SREK1: variants seen among roughly 807,000 people sequenced by gnomAD.
The protein encoded by SREK1 is splicing regulatory glutamic acid and lysine rich protein 1, also known as splicing regulatory glutamine/lysine-rich protein 1.
A neutral mutation model predicts 66.5 loss-of-function variants in SREK1; 13 were observed. The observed-to-expected ratio is 0.20, with a 90% CI of 0.13 to 0.31. The LOEUF is 0.31. Among genes scored for constraint, SREK1 ranks in the 10% least tolerant of loss-of-function variants. SREK1 has a pLI of 1.00. For synonymous variants in SREK1, 265 were observed against 263.5 expected (o/e 1.01, Z -0.05); for missense variants, 607 against 769.6 (o/e 0.79, Z 2.50).
At position 66,144,349 on chromosome 5, in the gene SREK1, G is replaced by C; in HGVS notation, c.-28G>C. On this transcript the variant is annotated 5_prime_UTR_variant, in exon 1 of 12. Transcript: ENST00000334121. ...GCTGACGCGTCGTAGACGTTGGGGA[G>C]CGGGAAGGCAACGGCAGCGGGATCG... The C allele has an allele frequency of 6.6e-7, 1 of 1,508,734 alleles. No individual in the cohort carries two copies. The highest frequency in any genetic ancestry group is 1.2e-5 in the South Asian group (1 of 82,548). The allele number at this position is 1,508,734 out of a possible 1,614,324, so 93.5% of individuals were successfully genotyped here. A position where few individuals can be genotyped will look rare whatever the true frequency, so the allele number is the denominator to read the frequency against.
At position 66,181,972 on chromosome 5, in the gene SREK1, CTA is replaced by C. The variant is rs969796314; in HGVS notation, c.*3106_*3107del. The C allele has an allele frequency of 6.8e-6, 1 of 147,150 alleles. No homozygotes were observed. Among genetic ancestry groups the C allele is most frequent in the African/African-American group, 2.5e-5 (1 of 40,174 alleles). 9.1% of individuals were successfully genotyped at this position (147,150 alleles called of 1,614,324 possible). ...TCAAGACCTTCAGTCATTCCTATGT[CTA>C]TGTTGCTATCTTTATTTTAAAACTT... On this transcript the variant is annotated 3_prime_UTR_variant, in exon 12 of 12. Coordinates refer to ENST00000334121, the MANE Select transcript of SREK1 (RefSeq NM_001077199.3).
intron 1 of SREK1, among the ~76,000 whole-genome samples, chr5:66,147,911 CTT>C (rs955365345): frequency 3.3e-5 from 5 of 151,722 alleles, no homozygotes; most frequent in African/African-American, 9.7e-5. Flanking sequence ...ACTTTTTTCA[CTT>C]TGTCATAAGC....
At chr5:66,177,451 G>T (rs1342764618) in intron 10 of SREK1, 63 bp from the exon 11 acceptor site, 1 of 1,281,746 alleles carries the variant, frequency 7.8e-7, no homozygotes, top group East Asian at 2.7e-5. Flanking sequence ...AGGATATTTT[G>T]TCAAGAATAT....
At chr5:66,145,188 G>A in intron 1 of SREK1, 5 of 984,408 alleles carry the variant, frequency 5.1e-6, no homozygotes, top group Non-Finnish European at 6.0e-6. Flanking sequence ...AAAAGTGTAA[G>A]TCGGTGCAGG....
At chr5:66,174,303 T>A (rs764306123) in intron 9 of SREK1, among the ~76,000 whole-genome samples, 1 of 152,192 alleles carries the variant, frequency 6.6e-6, no homozygotes, top group Non-Finnish European at 1.5e-5. Context: ...ATATTTACTT[T>A]TCAGATTGTA....
intron 2 of SREK1, chr5:66,157,565 A>G (rs1487649695): frequency 4.1e-6 from 4 of 970,916 alleles, no homozygotes; most frequent in Non-Finnish European, 4.9e-6. Flanking sequence ...AGTATAGTGT[A>G]TATGTGGGTA....
chr5:66,149,366 G>A (rs113034885), intron 1 of SREK1, among the ~76,000 whole-genome samples: 1,659 of 151,636 alleles, frequency 0.011, 33 homozygotes, highest in African/African-American at 0.038. Context: ...AAAAGGAAAA[G>A]AAAAGAAAAG....
rs1198961616 is a variant in SREK1 at position 66,179,971 on chromosome 5, T to TA, written c.*1103_*1104insA. On this transcript the variant is annotated 3_prime_UTR_variant, in exon 12 of 12. Coordinates refer to ENST00000334121, the MANE Select transcript of SREK1 (RefSeq NM_001077199.3). Reference sequence around the variant, plus strand: ...AGTCATGCAGCTTTGGGACCATCAGTTTTATACTGTGATAATTGAAAATGA... The same window carrying TA: ...AGTCATGCAGCTTTGGGACCATCAGTATTTATACTGTGATAATTGAAAATGA... The TA allele has an allele frequency of 6.6e-6, 1 of 152,566 alleles. No individual in the cohort carries two copies. Among genetic ancestry groups the TA allele is most frequent in the African/African-American group, 2.4e-5 (1 of 41,450 alleles). 9.5% of individuals were successfully genotyped at this position (152,566 alleles called of 1,614,324 possible).
intron 1 of SREK1, among the ~76,000 whole-genome samples, chr5:66,150,681 T>A (rs1423040152): frequency 6.6e-6 from 1 of 152,134 alleles, no homozygotes; most frequent in East Asian, 1.9e-4. Context: ...ATTAAGGCAT[T>A]GGTAATGAGA....
chr5:66,158,495 C>G (rs1028242758), intron 2 of SREK1: 1 of 155,118 alleles, frequency 6.4e-6, no homozygotes, highest in African/African-American at 2.4e-5. Flanking sequence ...TTTTAGGCAT[C>G]TCTGATGTTG....
At chr5:66,148,346 A>G (rs1008438646) in intron 1 of SREK1, among the ~76,000 whole-genome samples, 1 of 152,124 alleles carries the variant, frequency 6.6e-6, no homozygotes, top group African/African-American at 2.4e-5. Flanking sequence ...TGGACATATT[A>G]TTACCTCATT....
At chr5:66,175,161 A>G (rs976477975) in intron 10 of SREK1, 120 bp downstream of exon 10, 31 of 764,318 alleles carry the variant, frequency 4.1e-5, no homozygotes, top group Non-Finnish European at 5.8e-5. Context: ...CATATGCATT[A>G]TTCAGAAATT....
chr5:66,156,294 ATC>A, intron 2 of SREK1: 2 of 1,309,968 alleles, frequency 1.5e-6, no homozygotes, highest in Non-Finnish European at 9.7e-7. Flanking sequence ...GTTTTGTTAA[ATC>A]TCTTTCACTT....
intron 2 of SREK1, among the ~76,000 whole-genome samples, chr5:66,155,210 C>T (rs1485533933): frequency 6.6e-6 from 1 of 152,116 alleles, no homozygotes; most frequent in Non-Finnish European, 1.5e-5. Flanking sequence ...TGAATAAATG[C>T]ACAGTCAGAT....
At chr5:66,176,790 G>T (rs1053537577) in intron 10 of SREK1, among the ~76,000 whole-genome samples, 1 of 152,072 alleles carries the variant, frequency 6.6e-6, no homozygotes, top group East Asian at 1.9e-4. Flanking sequence ...TGGAGGTTAG[G>T]TTTGTACATA....
At position 66,179,746 on chromosome 5, in the gene SREK1, G is replaced by A. The variant is rs1355387670; in HGVS notation, c.*878G>A. ...TTCAAAATGGGCTATGGGAGCACAA[G>A]CTGAAGCTTTAGTGCCTTCTACAAT... On this transcript the variant is annotated 3_prime_UTR_variant, in exon 12 of 12. Transcript: ENST00000334121. The A allele has an allele frequency of 6.6e-6, 1 of 152,514 alleles. No homozygotes were observed. The highest frequency in any genetic ancestry group is 6.6e-5 in the Admixed American group (1 of 15,246). The allele number at this position is 152,514 out of a possible 1,614,324, so 9.4% of individuals were successfully genotyped here.
chr5:66,182,943 T>A lies in SREK1; in HGVS notation c.*4075T>A, dbSNP rs1397946542. 2.0e-5 allele frequency: 3 copies of A among 152,236 alleles called. No homozygotes were observed. The highest frequency in any genetic ancestry group is 7.2e-5 in the African/African-American group (3 of 41,466). 9.4% of individuals were successfully genotyped at this position (152,236 alleles called of 1,614,324 possible). ...TCAGTCAGTTGGATTTAGTAACTAATAACTAGCTTTCTTCCATTCTAAGGT... is the reference window on the plus strand; with the variant it reads ...TCAGTCAGTTGGATTTAGTAACTAAAAACTAGCTTTCTTCCATTCTAAGGT... On this transcript the variant is annotated 3_prime_UTR_variant, in exon 12 of 12. Coordinates refer to ENST00000334121, the MANE Select transcript of SREK1 (RefSeq NM_001077199.3).
intron 9 of SREK1, among the ~76,000 whole-genome samples, chr5:66,174,032 C>T (rs1247673579): frequency 6.6e-6 from 1 of 152,038 alleles, no homozygotes; most frequent in African/African-American, 2.4e-5. Context: ...TTTTATTAGT[C>T]TCTTAGAATC....
At chr5:66,153,341 C>CA in intron 1 of SREK1, 122 bp from the exon 2 acceptor site, 2 of 1,285,896 alleles carry the variant, frequency 1.6e-6, no homozygotes, top group East Asian at 4.7e-5. Context: ...TCCTTAATAA[C>CA]AAAAAGTTTT....
Sources: allele counts gnomAD v4.1 joint callset (sites outside exome capture counted in the v4.1 genomes callset), GRCh38; gene constraint gnomAD v4.1.1; transcripts MANE v1.5; gene names NCBI Gene and HGNC (gene_info 2026-07-23, HGNC 2026-07-21).